The following ESYT2 variants were observed in gnomAD, a reference collection of about 807,000 sequenced individuals.
ESYT2 encodes extended synaptotagmin 2.
ESYT2 carries 54 observed loss-of-function variants against 107.2 expected under a neutral mutation model. The observed-to-expected ratio is 0.50, with a 90% CI of 0.40 to 0.63. The LOEUF (loss-of-function observed/expected upper bound fraction) is 0.63, where lower values mean the gene tolerates loss of function less well. ESYT2 is among the 30% of genes least tolerant of loss of function. The pLI, the probability that ESYT2 is intolerant of heterozygous loss-of-function variation, is 0.00. For missense variants in ESYT2, 1,020 were observed against 1,094.5 expected, an observed-to-expected ratio of 0.93 and a Z score of 0.96; for synonymous variants, 491 against 434.1, an observed-to-expected ratio of 1.13 and a Z score of -1.63.
chr7:158,805,058 C>T (rs775772743), intron 1 of ESYT2, among the ~76,000 whole-genome samples: 4 of 152,168 alleles, frequency 2.6e-5, no homozygotes, highest in Non-Finnish European at 4.4e-5. Context: ...CTGTAAGGCA[C>T]GAGGATCTGA....
chr7:158,762,187 C>T (rs1162776029), intron 10 of ESYT2, among the ~76,000 whole-genome samples: 1 of 152,124 alleles, frequency 6.6e-6, no homozygotes, highest in Non-Finnish European at 1.5e-5. Flanking sequence ...TGATTATACT[C>T]CCACTTCTTC....
chr7:158,743,076 C>T (rs1837269021), intron 17 of ESYT2, among the ~76,000 whole-genome samples: 1 of 152,210 alleles, frequency 6.6e-6, no homozygotes, highest in Non-Finnish European at 1.5e-5. Context: ...TAGCTATTTA[C>T]AAATGAATCG....
chr7:158,796,438 G>A (rs185184448), intron 3 of ESYT2, among the ~76,000 whole-genome samples: 1 of 152,290 alleles, frequency 6.6e-6, no homozygotes, highest in Admixed American at 6.5e-5. Flanking sequence ...CAGCATTAGA[G>A]TCATTAGTAG....
intron 6 of ESYT2, among the ~76,000 whole-genome samples, chr7:158,780,832 G>T (rs1299983157): frequency 6.6e-6 from 1 of 152,216 alleles, no homozygotes; most frequent in Non-Finnish European, 1.5e-5. Flanking sequence ...GCACTGAAAG[G>T]CCTGTCCCTG....
intron 15 of ESYT2, among the ~76,000 whole-genome samples, chr7:158,749,012 AT>A: frequency 6.6e-6 from 1 of 152,170 alleles, no homozygotes; most frequent in East Asian, 1.9e-4. Context: ...CTTTTAAACT[AT>A]TTATAGAGTG....
chr7:158,796,949 G>GGGAAACGC (rs1563026304), intron 3 of ESYT2, among the ~76,000 whole-genome samples: 7 of 149,314 alleles, frequency 4.7e-5, no homozygotes, highest in Admixed American at 2.0e-4. Flanking sequence ...GAGCCTGAGT[G>GGGAAACGC]ACAGAGACAG....
At chr7:158,805,126 G>A (rs1839787933) in intron 1 of ESYT2, among the ~76,000 whole-genome samples, 1 of 152,160 alleles carries the variant, frequency 6.6e-6, no homozygotes, top group Admixed American at 6.5e-5. Context: ...CCACAGCTGG[G>A]CTGCTGAACT....
chr7:158,769,197 G>GA (rs918959463), intron 7 of ESYT2, among the ~76,000 whole-genome samples: 3 of 152,134 alleles, frequency 2.0e-5, no homozygotes, highest in Non-Finnish European at 2.9e-5. Context: ...TTTAATATGG[G>GA]AAAAAATTTT....
rs1281869697 is a variant in ESYT2 at position 158,825,315 on chromosome 7, TAATA to T, written c.330+3770_330+3773del. Reference sequence around the variant, plus strand: ...CTCAAAAATAAATAAATAAATGAAATAATAAATAAATAAATCTTCTCTTCTTCAC... The same window carrying T: ...CTCAAAAATAAATAAATAAATGAAATAATAAATAAATCTTCTCTTCTTCAC... On this transcript the variant is annotated intron_variant, in intron 1 of 22. Transcript: ENST00000275418. Among the ~76,000 whole-genome samples the T allele has an allele frequency of 9.9e-5, 15 of 151,502 alleles. No homozygotes were observed. The South Asian group carries it at 2.9e-3, about 30-fold the overall frequency.
In ESYT2 at chr7:158,734,270, A is replaced by T; in HGVS notation, c.2556-18T>A. On this transcript the variant is annotated intron_variant, in intron 22 of 22. Transcript: ENST00000275418. ...GGTCATACCTGAGAAAGACAGTGAC[A>T]GGAAGGTGGTGACGGATACAGGACC... The T allele has an allele frequency of 6.2e-7, 1 of 1,614,126 alleles. No homozygotes were observed. The highest frequency in any genetic ancestry group is 1.7e-5 in the Admixed American group (1 of 60,016).
Position 158,756,405 on chromosome 7 carries a change from A to T in ESYT2, c.1419+3081T>A, listed in dbSNP as rs187916406. ...ATTATCCACTCCAGGAAGGTCTTTAAGTGTCTTAAAAGAAAGTGAATCACA... is the reference window on the plus strand; with the variant it reads ...ATTATCCACTCCAGGAAGGTCTTTATGTGTCTTAAAAGAAAGTGAATCACA... On this transcript the variant is annotated intron_variant, in intron 13 of 22. Transcript: ENST00000275418. Among the ~76,000 whole-genome samples, 335 of 152,374 alleles carry T rather than the reference A, an allele frequency of 2.2e-3. 2 individuals are homozygous for T. The highest frequency in any genetic ancestry group is 3.5e-3 in the Non-Finnish European group (241 of 68,038).
intron 15 of ESYT2, among the ~76,000 whole-genome samples, chr7:158,748,571 G>A (rs976149755): frequency 2.6e-5 from 4 of 152,094 alleles, no homozygotes; most frequent in African/African-American, 4.8e-5. Flanking sequence ...GCGTGGCCTG[G>A]CCTCGGTTCT....
intron 1 of ESYT2, among the ~76,000 whole-genome samples, chr7:158,818,530 G>C (rs1308113814): frequency 1.3e-5 from 2 of 152,224 alleles, no homozygotes; most frequent in Admixed American, 1.3e-4. Context: ...AGCAGAGGTG[G>C]GGGAGGGAGG....
Position 158,767,750 on chromosome 7 carries a change from C to A in ESYT2, c.828G>T (p.Leu276Phe). 6.2e-7 allele frequency: 1 copy of A among 1,612,638 alleles called. No individual in the cohort carries two copies. The highest frequency in any genetic ancestry group is 2.2e-5 in the East Asian group (1 of 44,780). The change falls in exon 8 of 23, where the codon TTG becomes TTT. Residue 276 changes from leucine to phenylalanine, a missense_variant. Leu to Phe is a conservative substitution (Grantham distance 22). Coordinates refer to ENST00000275418, the MANE Select transcript of ESYT2 (RefSeq NM_001367773.1). ...GLNGLSDTII[L>F]DIISNYLVLP... is the part of the protein sequence containing the mutation. ...GCACCAGATAGTTTGATATTATATCCAAAATGATAGTATCTGATAAACCAC... is the reference window on the plus strand; with the variant it reads ...GCACCAGATAGTTTGATATTATATCAAAAATGATAGTATCTGATAAACCAC...
chr7:158,746,482 C>G (rs890842485), intron 16 of ESYT2, among the ~76,000 whole-genome samples: 8 of 150,684 alleles, frequency 5.3e-5, no homozygotes, highest in African/African-American at 2.0e-4. Flanking sequence ...TGCACTCCAG[C>G]CTGAGTGACA....
chr7:158,751,245 T>A (rs1212538138), intron 14 of ESYT2, among the ~76,000 whole-genome samples: 1 of 152,204 alleles, frequency 6.6e-6, no homozygotes, highest in African/African-American at 2.4e-5. Context: ...ATGATAAAAC[T>A]GTTTATCCTA....
intron 1 of ESYT2, among the ~76,000 whole-genome samples, chr7:158,811,818 A>C (rs1840000041): frequency 6.6e-6 from 1 of 152,246 alleles, no homozygotes; most frequent in Non-Finnish European, 1.5e-5. Flanking sequence ...GGTCAGCTAA[A>C]CAACCAGAAT....
At chr7:158,781,857 G>A (rs1469129222) in intron 6 of ESYT2, among the ~76,000 whole-genome samples, 1 of 137,506 alleles carries the variant, frequency 7.3e-6, no homozygotes, top group East Asian at 2.0e-4. Context: ...ACAAAGTGAG[G>A]TGTAAGTGTA....
intron 6 of ESYT2, among the ~76,000 whole-genome samples, chr7:158,774,616 C>A (rs897748741): frequency 1.3e-5 from 2 of 152,168 alleles, no homozygotes; most frequent in Non-Finnish European, 2.9e-5. Context: ...CCTGCCACAG[C>A]AAAATATTCT....
Sources: gnomAD v4.1 joint callset for allele counts (sites outside exome capture counted in the v4.1 genomes callset) on GRCh38, gnomAD v4.1.1 for gene constraint, MANE v1.5 for transcripts, NCBI Gene and HGNC (gene_info 2026-07-23, HGNC 2026-07-21) for gene names.